Variants in CALD1 observed in about 807,000 individuals in gnomAD.
CALD1 encodes caldesmon.
Under a neutral mutation model 99.9 loss-of-function variants are expected in CALD1, and 33 were observed. The observed-to-expected ratio is 0.33, with a 90% CI of 0.25 to 0.44. The LOEUF is 0.44. Among genes scored for constraint, CALD1 ranks in the 20% least tolerant of loss-of-function variants. The probability of loss-of-function intolerance (pLI) is 1.00; values close to 1 mark genes in which losing one functional copy is unlikely to be tolerated. For missense variants in CALD1, 861 were observed against 962.1 expected (o/e 0.89, Z 1.39); for synonymous variants, 310 against 325.0 (o/e 0.95, Z 0.50).
chr7:134,835,682 G>A (rs1799404882), intron 1 of CALD1, among the ~76,000 whole-genome samples: 1 of 151,998 alleles, frequency 6.6e-6, no homozygotes, highest in South Asian at 2.1e-4. Context: ...AGAATTTATT[G>A]ACTTGAGACA....
intron 3 of CALD1, among the ~76,000 whole-genome samples, chr7:134,895,795 T>C (rs1216667273): frequency 6.6e-6 from 1 of 152,234 alleles, no homozygotes; most frequent in Non-Finnish European, 1.5e-5. Context: ...TATGTCAGTA[T>C]GTTCAGCTTT....
chr7:134,764,014 T>C (rs1347832573), intron 1 of CALD1, among the ~76,000 whole-genome samples: 1 of 152,180 alleles, frequency 6.6e-6, no homozygotes, highest in Non-Finnish European at 1.5e-5. Flanking sequence ...GTGTTTGTTA[T>C]TATTATGGCT....
chr7:134,753,763 C>A (rs982190696), intron 1 of CALD1, among the ~76,000 whole-genome samples: 15 of 152,188 alleles, frequency 9.9e-5, no homozygotes, highest in Non-Finnish European at 7.3e-5. Flanking sequence ...AGTGCTGGTC[C>A]TTGACTACAA....
At chr7:134,930,686 C>T (rs1399049329) in intron 4 of CALD1, among the ~76,000 whole-genome samples, 4 of 152,116 alleles carry the variant, frequency 2.6e-5, no homozygotes, top group East Asian at 1.9e-4. Flanking sequence ...CCAATTTGAC[C>T]TTTCACTAAC....
chr7:134,798,139 T>C (rs368691676), intron 1 of CALD1, among the ~76,000 whole-genome samples: 1 of 152,224 alleles, frequency 6.6e-6, no homozygotes, highest in East Asian at 1.9e-4. Flanking sequence ...AAATGTTTCA[T>C]ATGGGGAAAA....
intron 1 of CALD1, among the ~76,000 whole-genome samples, chr7:134,833,709 G>T (rs1257204586): frequency 2.0e-5 from 3 of 152,196 alleles, no homozygotes; most frequent in Non-Finnish European, 4.4e-5. Flanking sequence ...TGGGGATACA[G>T]AAGTGAATAT....
At chr7:134,788,871 C>T (rs1464090114) in intron 1 of CALD1, among the ~76,000 whole-genome samples, 1 of 151,802 alleles carries the variant, frequency 6.6e-6, no homozygotes, top group African/African-American at 2.4e-5. Context: ...AAAAATTAGC[C>T]GGCCATGGTG....
intron 7 of CALD1, 24 bp from the exon 8 acceptor site, chr7:134,947,484 C>A: frequency 6.4e-7 from 1 of 1,561,114 alleles, no homozygotes; most frequent in East Asian, 2.4e-5. Context: ...ATGTAAACCC[C>A]TTTCCATTGC....
At chr7:134,905,922 C>CTTTTTTTTT (rs5887716) in intron 3 of CALD1, among the ~76,000 whole-genome samples, 7 of 94,774 alleles carry the variant, frequency 7.4e-5, no homozygotes, top group Non-Finnish European at 9.9e-5. Flanking sequence ...CTCTCTATAT[C>CTTTTTTTTT]TTTTTTTTTT....
chr7:134,846,001 C>A (rs903777306), intron 2 of CALD1, among the ~76,000 whole-genome samples: 1 of 152,198 alleles, frequency 6.6e-6, no homozygotes. Context: ...CTCCTACCCA[C>A]CTTTGCTCCC....
intron 9 of CALD1, among the ~76,000 whole-genome samples, chr7:134,955,988 C>T (rs902615721): frequency 2.0e-5 from 3 of 152,074 alleles, no homozygotes; most frequent in African/African-American, 7.2e-5. Flanking sequence ...AACTGTTTCA[C>T]CTTACTCACC....
intron 1 of CALD1, among the ~76,000 whole-genome samples, chr7:134,769,862 T>C (rs138018643): frequency 0.015 from 2,313 of 152,316 alleles, 55 homozygotes; most frequent in African/African-American, 0.05. Flanking sequence ...GGTCTTGAAC[T>C]CCTGACCTCA....
intron 1 of CALD1, among the ~76,000 whole-genome samples, chr7:134,809,053 A>G (rs953689386): frequency 6.6e-6 from 1 of 152,212 alleles, no homozygotes; most frequent in Non-Finnish European, 1.5e-5. Context: ...GAATATCTAT[A>G]TTTACTAAGG....
chr7:134,958,650 C>T lies in CALD1; in HGVS notation c.2061+360C>T, dbSNP rs530088631. ...CGAATTCCTGACCTCAAGTGATCCA[C>T]CCGCCTTGGCCTCCCAAAGCCGAAT... On this transcript the variant is annotated intron_variant, in intron 11 of 14. Transcript: ENST00000361675. Among the ~76,000 whole-genome samples the T allele has an allele frequency of 5.0e-4, 76 of 151,850 alleles. No homozygotes were observed. The East Asian group carries it at 0.015, about 29-fold the overall frequency.
chr7:134,742,629 C>G (rs1372719776), upstream of CALD1, among the ~76,000 whole-genome samples: 3 of 152,182 alleles, frequency 2.0e-5, no homozygotes, highest in African/African-American at 7.2e-5. Flanking sequence ...GAACTTGTCA[C>G]CGCAGGCAGC....
At chr7:134,875,197 CTACTTT>C in intron 3 of CALD1, among the ~76,000 whole-genome samples, 1 of 152,150 alleles carries the variant, frequency 6.6e-6, no homozygotes, top group Non-Finnish European at 1.5e-5. Flanking sequence ...ATCTAGTTTT[CTACTTT>C]TATTTTTTAT....
At chr7:134,829,687 A>G (rs927968218) in intron 1 of CALD1, among the ~76,000 whole-genome samples, 1 of 152,218 alleles carries the variant, frequency 6.6e-6, no homozygotes, top group Admixed American at 6.6e-5. Flanking sequence ...TTCTAGATGC[A>G]CTATGAAGCT....
chr7:134,891,527 A>G, intron 3 of CALD1: 1 of 1,517,376 alleles, frequency 6.6e-7, no homozygotes, highest in Non-Finnish European at 8.9e-7. Flanking sequence ...CACAGATCAC[A>G]TGGCCCCTCC....
At chr7:134,883,727 C>T (rs1801714938) in intron 3 of CALD1, among the ~76,000 whole-genome samples, 1 of 152,204 alleles carries the variant, frequency 6.6e-6, no homozygotes, top group African/African-American at 2.4e-5. Context: ...AAATACAATT[C>T]ATAAGGGTCA....
Sources: gnomAD v4.1 joint callset for allele counts (sites outside exome capture counted in the v4.1 genomes callset) on GRCh38, gnomAD v4.1.1 for gene constraint, MANE v1.5 for transcripts, NCBI Gene and HGNC (gene_info 2026-07-23, HGNC 2026-07-21) for gene names.